CARMIL1: variants seen among roughly 807,000 people sequenced by gnomAD.
The protein encoded by CARMIL1 is F-actin-uncapping protein LRRC16A.
A neutral mutation model predicts 177.1 loss-of-function variants in CARMIL1; 90 were observed. That is an observed-to-expected ratio of 0.51 (90% CI 0.43 to 0.61). The LOEUF is 0.61. CARMIL1 is among the 20% of genes least tolerant of loss of function. The probability of loss-of-function intolerance (pLI) is 0.00; values close to 1 mark genes in which losing one functional copy is unlikely to be tolerated. For missense variants in CARMIL1, 1,380 were observed against 1,667.0 expected (o/e 0.83, Z 3.00); for synonymous variants, 577 against 606.2 (o/e 0.95, Z 0.71).
chr6:25,552,557 A>G (rs2151169283), intron 27 of CARMIL1, among the ~76,000 whole-genome samples: 1 of 152,328 alleles, frequency 6.6e-6, no homozygotes, highest in South Asian at 2.1e-4. Context: ...TAATATGCAC[A>G]TTTGCATGGG....
At position 25,577,128 on chromosome 6, in the gene CARMIL1, A is replaced by C. The variant is rs1433652022; in HGVS notation, c.2743-3796A>C. ...CATCCATCTGCAGATCCTGAATGAAATAGGCAACAATTTAGAGACAAGATT... is the reference window on the plus strand; with the variant it reads ...CATCCATCTGCAGATCCTGAATGAACTAGGCAACAATTTAGAGACAAGATT... On this transcript the variant is annotated intron_variant, in intron 29 of 36. Transcript: ENST00000329474. The surrounding 1 kb of genome is among the most constrained non-coding windows in gnomAD (Gnocchi z 4.5). The C allele has an allele frequency of 1.0e-6, 1 of 985,216 alleles. No homozygotes were observed. The highest frequency in any genetic ancestry group is 1.2e-6 in the Non-Finnish European group (1 of 829,898). The allele number at this position is 985,216 out of a possible 1,614,324, so 61.0% of individuals were successfully genotyped here.
At chr6:25,581,148 T>C (rs1813076122) in intron 30 of CARMIL1, 95 bp from the exon 31 acceptor site, 1 of 1,338,522 alleles carries the variant, frequency 7.5e-7, no homozygotes, top group Admixed American at 2.3e-5. Flanking sequence ...TATTCTATGC[T>C]AGACTTAAAA....
intron 2 of CARMIL1, among the ~76,000 whole-genome samples, chr6:25,419,090 A>G (rs9295657): frequency 0.85 from 129,186 of 152,216 alleles, 55,167 homozygotes; most frequent in East Asian, 0.97. Flanking sequence ...TTAGCCGTTC[A>G]AGCCCGGGGT....
chr6:25,374,054 T>C (rs1790735239), intron 2 of CARMIL1, among the ~76,000 whole-genome samples: 1 of 152,172 alleles, frequency 6.6e-6, no homozygotes, highest in Admixed American at 6.5e-5. Context: ...GTCTTTGTTA[T>C]TTCTTTCATT....
chr6:25,532,285 CA>C (rs1283983550), intron 24 of CARMIL1, among the ~76,000 whole-genome samples: 11 of 147,336 alleles, frequency 7.5e-5, no homozygotes, highest in Non-Finnish European at 7.5e-5. Context: ...TTTGCCCATC[CA>C]AAAAAAAAAT....
At chr6:25,500,023 A>T (rs1804146666) in intron 16 of CARMIL1, 143 bp from the exon 17 acceptor site, 2 of 659,396 alleles carry the variant, frequency 3.0e-6, no homozygotes, top group Non-Finnish European at 5.3e-6. Context: ...TTGGCATTTT[A>T]AAAAGTAAGA....
intron 3 of CARMIL1, among the ~76,000 whole-genome samples, chr6:25,426,021 A>G (rs557829575): frequency 6.6e-6 from 1 of 152,340 alleles, no homozygotes; most frequent in Admixed American, 6.5e-5. Context: ...TTATCCTGAT[A>G]GGACTTTCTG....
chr6:25,314,279 C>T (rs1346796910), intron 2 of CARMIL1, among the ~76,000 whole-genome samples: 1 of 135,818 alleles, frequency 7.4e-6, no homozygotes, highest in Non-Finnish European at 1.6e-5. Context: ...CCAAGACCAT[C>T]CTGGCCAACA....
chr6:25,477,558 T>A (rs1801687697), intron 11 of CARMIL1, among the ~76,000 whole-genome samples: 1 of 152,146 alleles, frequency 6.6e-6, no homozygotes, highest in East Asian at 1.9e-4. Context: ...CACAGTGTTT[T>A]TTTGGACTGT....
intron 2 of CARMIL1, among the ~76,000 whole-genome samples, chr6:25,345,070 A>G (rs2150338711): frequency 6.6e-6 from 1 of 152,266 alleles, no homozygotes; most frequent in African/African-American, 2.4e-5. Context: ...AGCCCATCAC[A>G]GTCAAGTTTG....
At chr6:25,368,268 G>C (rs1044684665) in intron 2 of CARMIL1, among the ~76,000 whole-genome samples, 1 of 152,186 alleles carries the variant, frequency 6.6e-6, no homozygotes, top group African/African-American at 2.4e-5. Flanking sequence ...CTTAGTTTCT[G>C]AGAGTAGTTG....
intron 2 of CARMIL1, among the ~76,000 whole-genome samples, chr6:25,376,159 C>A (rs556548620): frequency 3.3e-5 from 5 of 152,336 alleles, no homozygotes. Context: ...TGGCTCACTG[C>A]AACCTCTGCC....
intron 28 of CARMIL1, among the ~76,000 whole-genome samples, chr6:25,555,249 A>G (rs186413800): frequency 4.7e-4 from 71 of 152,312 alleles, no homozygotes; most frequent in African/African-American, 1.5e-3. Flanking sequence ...TGGAAATATA[A>G]AAAACCAGTT....
At position 25,515,255 on chromosome 6, in the gene CARMIL1, C is replaced by A. The variant is rs564257276; in HGVS notation, c.1633-420C>A. ...GTCAGCTATTATTAATCCTGGCTGG[C>A]TTTTATCTTGTATTTGTCCTCTATT... On this transcript the variant is annotated intron_variant, in intron 20 of 36. Coordinates refer to ENST00000329474, the MANE Select transcript of CARMIL1 (RefSeq NM_017640.6). The surrounding 1 kb of genome is among the most constrained non-coding windows in gnomAD (Gnocchi z 5.0). Among the ~76,000 whole-genome samples, 28 of 152,184 alleles carry A rather than the reference C, an allele frequency of 1.8e-4. No homozygotes were observed. The highest frequency in any genetic ancestry group is 6.7e-4 in the African/African-American group (28 of 41,526).
intron 5 of CARMIL1, among the ~76,000 whole-genome samples, chr6:25,445,075 G>A (rs376077493): frequency 7.9e-5 from 12 of 152,182 alleles, no homozygotes; most frequent in East Asian, 1.9e-4. Flanking sequence ...TCTAACTGGC[G>A]TGAGATGGTA....
intron 2 of CARMIL1, among the ~76,000 whole-genome samples, chr6:25,346,320 CAG>C (rs1481457376): frequency 6.8e-6 from 1 of 148,134 alleles, no homozygotes; most frequent in Non-Finnish European, 1.5e-5. Flanking sequence ...GAGTCTACCT[CAG>C]AGCTTTTTGC....
intron 29 of CARMIL1, among the ~76,000 whole-genome samples, chr6:25,561,286 A>G (rs1811088109): frequency 6.6e-6 from 1 of 152,246 alleles, no homozygotes; most frequent in African/African-American, 2.4e-5. Flanking sequence ...ATCTTTAAAA[A>G]ATAGCAGAAG....
intron 15 of CARMIL1, among the ~76,000 whole-genome samples, chr6:25,493,246 G>A (rs866207081): frequency 2.0e-5 from 3 of 152,304 alleles, no homozygotes; most frequent in Middle Eastern, 3.4e-3. Flanking sequence ...CTAACAAATT[G>A]TCTTGTCTTC....
intron 24 of CARMIL1, among the ~76,000 whole-genome samples, chr6:25,531,050 T>C (rs138306049): frequency 0.019 from 2,868 of 152,306 alleles, 69 homozygotes; most frequent in African/African-American, 0.056. Flanking sequence ...GAAAGTTGAA[T>C]GGTAGTGTAA....
Sources: gnomAD v4.1 joint callset for allele counts (sites outside exome capture counted in the v4.1 genomes callset) on GRCh38, gnomAD v4.1.1 for gene constraint, Gnocchi (gnomAD v3.1) non-coding constraint, MANE v1.5 for transcripts, NCBI Gene and HGNC (gene_info 2026-07-23, HGNC 2026-07-21) for gene names.